The following CUX1 variants were observed in gnomAD, a reference collection of about 807,000 sequenced individuals.
The protein encoded by CUX1 is cut like homeobox 1.
A neutral mutation model predicts 158.8 loss-of-function variants in CUX1; 31 were observed. The observed-to-expected ratio is 0.20, with a 90% CI of 0.15 to 0.26. The LOEUF is 0.26. CUX1 is among the 10% of genes least tolerant of loss of function. The probability of loss-of-function intolerance (pLI) is 1.00; values close to 1 mark genes in which losing one functional copy is unlikely to be tolerated. For synonymous variants in CUX1, 879 were observed against 862.1 expected (o/e 1.02, Z -0.34); for missense variants, 1,589 against 2,014.6 (o/e 0.79, Z 4.04).
chr7:101,826,104 C>T (rs1225221608), intron 1 of CUX1, among the ~76,000 whole-genome samples: 1 of 152,130 alleles, frequency 6.6e-6, no homozygotes, highest in East Asian at 1.9e-4. Flanking sequence ...TCCATCCCAG[C>T]TAGAATGACT....
chr7:102,158,075 C>T (rs782011543), intron 8 of CUX1, among the ~76,000 whole-genome samples: 2 of 152,130 alleles, frequency 1.3e-5, no homozygotes, highest in Non-Finnish European at 2.9e-5. Flanking sequence ...CTTTCACTGC[C>T]AAGTGCCTTT....
intron 22 of CUX1, among the ~76,000 whole-genome samples, chr7:102,235,123 G>A (rs138803217): frequency 3.3e-5 from 5 of 152,350 alleles, no homozygotes; most frequent in African/African-American, 1.2e-4. Context: ...CATCTCGAAT[G>A]TGGATTCATG....
At chr7:102,259,719 A>G (rs1244244557), downstream of CUX1, among the ~76,000 whole-genome samples, 2 of 149,604 alleles carry the variant, frequency 1.3e-5, no homozygotes, top group Non-Finnish European at 1.5e-5. Context: ...TGATCTGCTA[A>G]CTAAATTAAA....
At chr7:102,071,726 A>T (rs558307780) in intron 4 of CUX1, among the ~76,000 whole-genome samples, 32 of 152,222 alleles carry the variant, frequency 2.1e-4, no homozygotes, top group African/African-American at 6.7e-4. Context: ...TGGAGCTGGG[A>T]TTAATAGAGG....
intron 8 of CUX1, among the ~76,000 whole-genome samples, chr7:102,135,258 A>T (rs1464872533): frequency 1.3e-5 from 2 of 152,224 alleles, no homozygotes; most frequent in African/African-American, 4.8e-5. Context: ...TATGTTATAT[A>T]CAATATTCTT....
At chr7:101,923,494 G>T (rs1805214722) in intron 2 of CUX1, among the ~76,000 whole-genome samples, 1 of 152,140 alleles carries the variant, frequency 6.6e-6, no homozygotes, top group Non-Finnish European at 1.5e-5. Context: ...ACGCTTCTTG[G>T]GTGTCTGTCT....
At chr7:102,273,229 G>A in intron 14 of CUX1, 3 of 1,207,506 alleles carry the variant, frequency 2.5e-6, no homozygotes, top group Non-Finnish European at 3.5e-6. Context: ...GTGGTGAGTT[G>A]GGAGGGAATA....
At chr7:101,931,594 C>G (rs770490956) in intron 2 of CUX1, among the ~76,000 whole-genome samples, 5 of 152,172 alleles carry the variant, frequency 3.3e-5, no homozygotes, top group Non-Finnish European at 5.9e-5. Context: ...GAGACAGAGT[C>G]TCACTCTGTC....
At chr7:101,931,240 G>C (rs1563025177) in intron 2 of CUX1, among the ~76,000 whole-genome samples, 1 of 152,102 alleles carries the variant, frequency 6.6e-6, no homozygotes, top group South Asian at 2.1e-4. Flanking sequence ...TCTGCCTCTT[G>C]GAGTTTTCCT....
At chr7:102,050,402 G>T (rs1823350615) in intron 3 of CUX1, among the ~76,000 whole-genome samples, 1 of 152,072 alleles carries the variant, frequency 6.6e-6, no homozygotes, top group African/African-American at 2.4e-5. Flanking sequence ...AACCTTCTGG[G>T]GCTTTCCCTG....
intron 17 of CUX1, among the ~76,000 whole-genome samples, chr7:102,277,439 C>CA (rs1432225694): frequency 6.6e-6 from 1 of 150,482 alleles, no homozygotes; most frequent in Non-Finnish European, 1.5e-5. Context: ...TTACTAAATA[C>CA]AAAAAAACTA....
intron 19 of CUX1, 139 bp downstream of exon 19, chr7:102,204,695 C>CTGG (rs1795775350): frequency 1.7e-6 from 2 of 1,151,992 alleles, no homozygotes; most frequent in African/African-American, 3.1e-5. Flanking sequence ...CCACCGTGGG[C>CTGG]TGGTGCTGGG....
At chr7:101,962,793 T>C (rs1426824979) in intron 2 of CUX1, among the ~76,000 whole-genome samples, 1 of 152,188 alleles carries the variant, frequency 6.6e-6, no homozygotes, top group East Asian at 1.9e-4. Context: ...CAATCATAGC[T>C]CACTGCAGCC....
intron 1 of CUX1, among the ~76,000 whole-genome samples, chr7:101,891,066 A>C (rs2131640914): frequency 6.6e-6 from 1 of 151,994 alleles, no homozygotes; most frequent in South Asian, 2.1e-4. Flanking sequence ...TATCTTTTAG[A>C]GTTATTATGG....
chr7:101,893,001 TAAGAG>T (rs536861474), intron 1 of CUX1, among the ~76,000 whole-genome samples: 61 of 152,210 alleles, frequency 4.0e-4, no homozygotes, highest in African/African-American at 1.4e-3. Flanking sequence ...AAATAACTCT[TAAGAG>T]AGGAGAGAAA....
chr7:101,842,433 G>T (rs942123511), intron 1 of CUX1, among the ~76,000 whole-genome samples: 3 of 152,140 alleles, frequency 2.0e-5, no homozygotes, highest in Non-Finnish European at 4.4e-5. Context: ...CATCACCCAG[G>T]CTGGCACGCA....
At chr7:102,018,147 G>T (rs1165953485) in intron 2 of CUX1, among the ~76,000 whole-genome samples, 1 of 152,026 alleles carries the variant, frequency 6.6e-6, no homozygotes, top group Non-Finnish European at 1.5e-5. Flanking sequence ...TTTTTGTAGA[G>T]CAGGAGTGTC....
rs1319654032 is a variant in CUX1 at position 102,276,028 on chromosome 7, C to T, written c.1563+669C>T. 9.1e-5 allele frequency among the ~76,000 whole-genome samples: 13 copies of T among 143,412 alleles called. No individual in the cohort carries two copies. In the Admixed American group the frequency reaches 9.1e-4, roughly 10 times the overall value. The allele number at this position is 143,412 out of a possible 152,430, so 94.1% of individuals were successfully genotyped here. On this transcript the variant is annotated intron_variant, in intron 17 of 22. Transcript: ENST00000292538. Reference sequence around the variant, plus strand: ...CTCCATCTCAAAAAAAAAAAAAAATCCTTCCTTTTTAAGGCTGTATAATAT... The same window carrying T: ...CTCCATCTCAAAAAAAAAAAAAAATTCTTCCTTTTTAAGGCTGTATAATAT...
At chr7:101,884,304 A>G (rs984089466) in intron 1 of CUX1, among the ~76,000 whole-genome samples, 2 of 152,246 alleles carry the variant, frequency 1.3e-5, no homozygotes, top group Admixed American at 6.5e-5. Context: ...ATTGGGATAT[A>G]TACTTATAGT....
Sources: allele counts gnomAD v4.1 joint callset (sites outside exome capture counted in the v4.1 genomes callset), GRCh38; gene constraint gnomAD v4.1.1; transcripts MANE v1.5; gene names NCBI Gene and HGNC (gene_info 2026-07-23, HGNC 2026-07-21).